Variants in SPTY2D1 observed in about 807,000 individuals in gnomAD.
The protein encoded by SPTY2D1 is protein SPT2 homolog.
In SPTY2D1, 21 loss-of-function variants were observed where a neutral mutation model predicts 64.0. The observed-to-expected ratio is 0.33, with a 90% CI of 0.23 to 0.47. SPTY2D1 has a LOEUF of 0.47. Among genes scored for constraint, SPTY2D1 ranks in the 20% least tolerant of loss-of-function variants. The pLI is 1.00. For missense variants in SPTY2D1, 724 were observed against 837.2 expected, an observed-to-expected ratio of 0.86 and a Z score of 1.67; for synonymous variants, 287 against 286.8, an observed-to-expected ratio of 1.00 and a Z score of -0.01.
intron 1 of SPTY2D1, among the ~76,000 whole-genome samples, chr11:18,620,747 C>T (rs1275941252): frequency 4.0e-5 from 6 of 151,662 alleles, no homozygotes; most frequent in Admixed American, 2.0e-4. Flanking sequence ...CTTAGCCAAG[C>T]GTGGTGGTGG....
chr11:18,618,266 G>A (rs190252680), intron 1 of SPTY2D1, among the ~76,000 whole-genome samples: 3 of 152,240 alleles, frequency 2.0e-5, no homozygotes, highest in Non-Finnish European at 4.4e-5. Context: ...TTTAACTGTA[G>A]CTCTTATGTT....
At chr11:18,610,184 C>A in intron 5 of SPTY2D1, 1 of 420,514 alleles carries the variant, frequency 2.4e-6, no homozygotes, top group Non-Finnish European at 4.2e-6. Flanking sequence ...CTTACTATTT[C>A]CATTAAAATA....
intron 3 of SPTY2D1, among the ~76,000 whole-genome samples, chr11:18,614,306 C>G (rs1348226357): frequency 6.6e-6 from 1 of 152,160 alleles, no homozygotes; most frequent in Non-Finnish European, 1.5e-5. Context: ...CCTATAGTCC[C>G]AGCTACCTGG....
intron 1 of SPTY2D1, among the ~76,000 whole-genome samples, chr11:18,617,689 C>G (rs895968074): frequency 2.0e-5 from 3 of 150,592 alleles, no homozygotes; most frequent in African/African-American, 7.3e-5. Context: ...CGCCTATAAT[C>G]CCAACACTTT....
Position 18,615,270 on chromosome 11 carries a change from G to C in SPTY2D1, c.1004C>G (p.Ser335Cys). Residue 335 changes from serine to cysteine, a missense_variant, in exon 3 of 6, where the codon TCT becomes TGT. Transcript: ENST00000336349. ...TTTTTTGGCTTTGTGCTCAACAGCA[G>C]ATTTCTGAGTCCTGCTAGCAGAAGT... ...PKTSASRTQK[S>C]AVEHKAKKSL... The C allele has an allele frequency of 6.2e-7, 1 of 1,614,244 alleles. No individual in the cohort carries two copies. The highest frequency in any genetic ancestry group is 8.5e-7 in the Non-Finnish European group (1 of 1,180,040).
chr11:18,609,712 C>T lies in SPTY2D1; in HGVS notation c.*149G>A. On this transcript the variant is annotated 3_prime_UTR_variant, in exon 6 of 6. Transcript: ENST00000336349. ...AAAATATCTGAAAATATTTTATGCT[C>T]AAATGACAGCCTGCAAATGACAGTA... 1.5e-6 allele frequency: 1 copy of T among 662,344 alleles called. No individual in the cohort carries two copies. Among genetic ancestry groups the T allele is most frequent in the Non-Finnish European group, 2.6e-6 (1 of 385,254 alleles). The allele number at this position is 662,344 out of a possible 1,614,324, so 41.0% of individuals were successfully genotyped here. A position where few individuals can be genotyped will look rare whatever the true frequency, so the allele number is the denominator to read the frequency against.
chr11:18,629,285 G>A, intron 1 of SPTY2D1, among the ~76,000 whole-genome samples: 1 of 151,626 alleles, frequency 6.6e-6, no homozygotes, highest in East Asian at 1.9e-4. Context: ...CAGATCACTT[G>A]AGGCCAGGAG....
rs886533006 is a variant in SPTY2D1 at position 18,606,853 on chromosome 11, T to C, written c.*3008A>G. ...TGGGGATTACATTAAAAATGAAAAT[T>C]TGAGTTCCCACATTCTTTTTTTTTT... On this transcript the variant is annotated 3_prime_UTR_variant, in exon 6 of 6. Transcript: ENST00000336349. The C allele has an allele frequency of 1.0e-4, 38 of 365,044 alleles. No individual in the cohort carries two copies. Among genetic ancestry groups the C allele is most frequent in the African/African-American group, 6.6e-4 (29 of 43,620 alleles). 22.6% of individuals were successfully genotyped at this position (365,044 alleles called of 1,614,324 possible).
chr11:18,627,878 C>CAAA (rs71313422), intron 1 of SPTY2D1, among the ~76,000 whole-genome samples: 2 of 143,944 alleles, frequency 1.4e-5, no homozygotes, highest in Non-Finnish European at 3.0e-5. Flanking sequence ...GACTCCGTCT[C>CAAA]AAAAAAAAAA....
intron 1 of SPTY2D1, among the ~76,000 whole-genome samples, chr11:18,629,221 C>G (rs1302101347): frequency 6.6e-6 from 1 of 152,192 alleles, no homozygotes; most frequent in African/African-American, 2.4e-5. Flanking sequence ...TATGTGATGG[C>G]CCGGTGTGGT....
Position 18,615,208 on chromosome 11 carries a change from T to C in SPTY2D1, c.1066A>G (p.Met356Val). Residue 356 changes from methionine to valine, a missense_variant, in exon 3 of 6, where the codon ATG becomes GTG. This residue lies in a region of SPTY2D1 where 426 missense variants were observed against 431.8 expected (regional missense o/e 0.99). Transcript: ENST00000336349. ...SHPSHSRPGPMVTPHNKAKSP... is the reference protein window; with the variant it reads ...SHPSHSRPGPVVTPHNKAKSP... ...TTAGCCTTATTGTGTGGGGTGACCA[T>C]GGGCCCAGGCCTGGAATGGCTAGGA... 1.2e-6 allele frequency: 2 copies of C among 1,614,220 alleles called. No homozygotes were observed. Among genetic ancestry groups the C allele is most frequent in the Non-Finnish European group, 1.7e-6 (2 of 1,180,028 alleles).
Position 18,607,027 on chromosome 11 carries a change from A to G in SPTY2D1, c.*2834T>C. 4.0e-6 allele frequency: 1 copy of G among 250,910 alleles called. No individual in the cohort carries two copies. The highest frequency in any genetic ancestry group is 4.0e-5 in the South Asian group (1 of 25,028). The allele number at this position is 250,910 out of a possible 1,614,324, so 15.5% of individuals were successfully genotyped here. A position where few individuals can be genotyped will look rare whatever the true frequency, so the allele number is the denominator to read the frequency against. ...AGGTGTGTGCCACCGCACCCGGCTA[A>G]TTTTTTTATTTTTAGTAGAGACGGG... On this transcript the variant is annotated 3_prime_UTR_variant, in exon 6 of 6. Coordinates refer to ENST00000336349, the MANE Select transcript of SPTY2D1 (RefSeq NM_194285.3).
chr11:18,617,095 A>G, intron 1 of SPTY2D1, 106 bp from the exon 2 acceptor site: 1 of 847,566 alleles, frequency 1.2e-6, no homozygotes, highest in East Asian at 2.5e-5. Flanking sequence ...TTAACTGTGA[A>G]ACCTATTCTG....
At position 18,612,277 on chromosome 11, in the gene SPTY2D1, A is replaced by T; in HGVS notation, c.1886+37T>A. 1 of 1,510,832 alleles carries T rather than the reference A, an allele frequency of 6.6e-7. No homozygotes were observed. Among genetic ancestry groups the T allele is most frequent in the Non-Finnish European group, 8.9e-7 (1 of 1,121,352 alleles). 93.6% of individuals were successfully genotyped at this position (1,510,832 alleles called of 1,614,324 possible). On this transcript the variant is annotated intron_variant, in intron 4 of 5. Coordinates refer to ENST00000336349, the MANE Select transcript of SPTY2D1 (RefSeq NM_194285.3). The surrounding 1 kb of genome is among the most constrained non-coding windows in gnomAD (Gnocchi z 4.6). ...GACATGAATTATTCAAAATAAAAAA[A>T]GGATGTCATAGTTATCTGAATCTTC...
intron 1 of SPTY2D1, among the ~76,000 whole-genome samples, chr11:18,629,562 C>T (rs1854552600): frequency 6.6e-6 from 1 of 152,142 alleles, no homozygotes; most frequent in Non-Finnish European, 1.5e-5. Context: ...CTCTAGTATT[C>T]TACCAAAACA....
In SPTY2D1 at chr11:18,607,388, ACTTTC is replaced by A. The variant is rs1255900845; in HGVS notation, c.*2468_*2472del. 9 of 152,656 alleles carry A rather than the reference ACTTTC, an allele frequency of 5.9e-5. No homozygotes were observed. Among genetic ancestry groups the A allele is most frequent in the Admixed American group, 3.3e-4 (5 of 15,290 alleles). 9.5% of individuals were successfully genotyped at this position (152,656 alleles called of 1,614,324 possible). On this transcript the variant is annotated 3_prime_UTR_variant, in exon 6 of 6. Transcript: ENST00000336349. ...CAGAGCCATGAGTTTTATGAAAACT[ACTTTC>A]CTTTCACATCATTTGTTAGAGAATG...
intron 1 of SPTY2D1, among the ~76,000 whole-genome samples, chr11:18,619,750 C>T (rs1347269312): frequency 1.3e-5 from 2 of 151,920 alleles, no homozygotes; most frequent in Non-Finnish European, 2.9e-5. Context: ...AGCAAGACTC[C>T]GTCTCAATAA....
At position 18,615,890 on chromosome 11, in the gene SPTY2D1, CTCT is replaced by C; in HGVS notation, c.381_383del (p.Glu128del). 6.2e-7 allele frequency: 1 copy of C among 1,614,092 alleles called. No individual in the cohort carries two copies. The highest frequency in any genetic ancestry group is 8.5e-7 in the Non-Finnish European group (1 of 1,180,024). Reference sequence around the variant, plus strand: ...CGTGATTGTACTCGAGGAATTCATTCTCTTCTTCCATTTCATACTCTCGGTCGG... The same window carrying C: ...CGTGATTGTACTCGAGGAATTCATTCTCTTCCATTTCATACTCTCGGTCGG... On this transcript the variant is annotated inframe_deletion, in exon 3 of 6. Coordinates refer to ENST00000336349, the MANE Select transcript of SPTY2D1 (RefSeq NM_194285.3).
Position 18,609,597 on chromosome 11 carries a change from CA to C in SPTY2D1, c.*263del. 2.2e-6 allele frequency: 1 copy of C among 461,312 alleles called. No individual in the cohort carries two copies. The highest frequency in any genetic ancestry group is 3.8e-5 in the East Asian group (1 of 26,002). 28.6% of individuals were successfully genotyped at this position (461,312 alleles called of 1,614,324 possible). A position where few individuals can be genotyped will look rare whatever the true frequency, so the allele number is the denominator to read the frequency against. On this transcript the variant is annotated 3_prime_UTR_variant, in exon 6 of 6. Coordinates refer to ENST00000336349, the MANE Select transcript of SPTY2D1 (RefSeq NM_194285.3). ...TGGCCCCACATTAGAGTGCATAGCT[CA>C]TCAGGATCAAGGCTGGCATCTGTGA... is the stretch of plus-strand genomic sequence containing the variant.
Sources: gnomAD v4.1 joint callset for allele counts (sites outside exome capture counted in the v4.1 genomes callset) on GRCh38, gnomAD v4.1.1 for gene constraint, gnomAD v4.1.1 regional missense constraint, Gnocchi (gnomAD v3.1) non-coding constraint, MANE v1.5 for transcripts, NCBI Gene and HGNC (gene_info 2026-07-23, HGNC 2026-07-21) for gene names.